The following LRRC4C variants were observed in gnomAD, a reference collection of about 807,000 sequenced individuals.
LRRC4C encodes the protein leucine-rich repeat-containing protein 4C.
Under a neutral mutation model 33.6 loss-of-function variants are expected in LRRC4C, and 5 were observed. The observed-to-expected ratio is 0.15, with a 90% CI of 0.08 to 0.31. LRRC4C has a LOEUF of 0.31. Among genes scored for constraint, LRRC4C ranks in the 10% least tolerant of loss-of-function variants. The pLI is 1.00. For synonymous variants in LRRC4C, 329 were observed against 302.0 expected (o/e 1.09, Z -0.93); for missense variants, 560 against 796.7 (o/e 0.70, Z 3.58).
At chr11:40,472,903 C>G (rs1048359094) in intron 3 of LRRC4C, among the ~76,000 whole-genome samples, 17 of 152,082 alleles carry the variant, frequency 1.1e-4, no homozygotes, top group African/African-American at 3.9e-4. Flanking sequence ...AAGACTAAAG[C>G]AGGAAGAAGT....
At chr11:40,732,978 G>A (rs1300730839) in intron 2 of LRRC4C, among the ~76,000 whole-genome samples, 1 of 149,526 alleles carries the variant, frequency 6.7e-6, no homozygotes, top group Non-Finnish European at 1.5e-5. Flanking sequence ...ATAACTACTT[G>A]GTCTAAGGAT....
chr11:40,154,288 A>AAAAAAAAAAAAAAAAAAAAAAAG, intron 5 of LRRC4C, among the ~76,000 whole-genome samples: 1 of 1,324 alleles, frequency 7.6e-4, no homozygotes, highest in African/African-American at 1.0e-3. Context: ...GCTAAAAAGC[A>AAAAAAAAAAAAAAAAAAAAAAAG]AAAAAAAAAA....
At chr11:40,934,157 A>C in intron 1 of LRRC4C, among the ~76,000 whole-genome samples, 1 of 152,134 alleles carries the variant, frequency 6.6e-6, no homozygotes, top group East Asian at 1.9e-4. Context: ...TATCTTATTC[A>C]CTTGAAATGT....
At chr11:40,824,243 G>A (rs879675386) in intron 2 of LRRC4C, among the ~76,000 whole-genome samples, 4 of 151,818 alleles carry the variant, frequency 2.6e-5, no homozygotes, top group Non-Finnish European at 5.9e-5. Context: ...CATACATTTA[G>A]AAAACATTAT....
chr11:40,469,180 C>A (rs1480385340), intron 3 of LRRC4C, among the ~76,000 whole-genome samples: 2 of 152,112 alleles, frequency 1.3e-5, no homozygotes, highest in African/African-American at 2.4e-5. Flanking sequence ...ACTGAGGTAC[C>A]CGGGTCATCT....
At chr11:41,408,772 G>T (rs1954346041) in intron 1 of LRRC4C, among the ~76,000 whole-genome samples, 3 of 126,508 alleles carry the variant, frequency 2.4e-5, no homozygotes, top group East Asian at 4.0e-4. Flanking sequence ...AAAAAACTGA[G>T]TCTCTCAAAA....
At chr11:40,583,643 C>T (rs1958576764) in intron 3 of LRRC4C, among the ~76,000 whole-genome samples, 1 of 152,118 alleles carries the variant, frequency 6.6e-6, no homozygotes, top group African/African-American at 2.4e-5. Context: ...TTCTGCCTCT[C>T]TGCCCTTGCA....
At chr11:40,567,100 T>C (rs1352841866) in intron 3 of LRRC4C, among the ~76,000 whole-genome samples, 1 of 152,188 alleles carries the variant, frequency 6.6e-6, no homozygotes, top group Non-Finnish European at 1.5e-5. Flanking sequence ...CTATTGAGTG[T>C]GTATTATGTG....
chr11:41,130,337 CA>C (rs1466538748), intron 1 of LRRC4C, among the ~76,000 whole-genome samples: 1 of 151,678 alleles, frequency 6.6e-6, no homozygotes, highest in African/African-American at 2.4e-5. Context: ...CTTATTTTAT[CA>C]AAAAAATCTT....
intron 1 of LRRC4C, among the ~76,000 whole-genome samples, chr11:41,410,120 T>C (rs1239350004): frequency 6.6e-6 from 1 of 152,218 alleles, no homozygotes; most frequent in Non-Finnish European, 1.5e-5. Context: ...ATAGCCCTGC[T>C]TTATTTATTC....
At chr11:41,110,185 G>A (rs1341494768) in intron 1 of LRRC4C, among the ~76,000 whole-genome samples, 1 of 151,980 alleles carries the variant, frequency 6.6e-6, no homozygotes, top group Non-Finnish European at 1.5e-5. Context: ...ACAACTGGGT[G>A]ACTTACGGCT....
intron 2 of LRRC4C, among the ~76,000 whole-genome samples, chr11:40,890,813 G>A (rs1034687529): frequency 2.6e-5 from 4 of 151,950 alleles, no homozygotes; most frequent in African/African-American, 7.3e-5. Context: ...AGTTAAATGT[G>A]TCAGTCTCAA....
At chr11:40,591,658 T>C (rs574381929) in intron 3 of LRRC4C, among the ~76,000 whole-genome samples, 1 of 152,342 alleles carries the variant, frequency 6.6e-6, no homozygotes, top group South Asian at 2.1e-4. Context: ...TGTGTTCATT[T>C]TGTTAACATA....
rs139164589 is a variant in LRRC4C at position 40,714,897 on chromosome 11, A to G, written c.-406-66619T>C. Reference sequence around the variant, plus strand: ...TATATGGAAATAATGATATGCTGCCACTACCTTCCACTATACACAAAATTA... The same window carrying G: ...TATATGGAAATAATGATATGCTGCCGCTACCTTCCACTATACACAAAATTA... On this transcript the variant is annotated intron_variant, in intron 2 of 6. Transcript: ENST00000528697. Among the ~76,000 whole-genome samples the G allele has an allele frequency of 1.4e-3, 206 of 152,290 alleles. 1 individual carries two copies. The highest frequency in any genetic ancestry group is 4.6e-3 in the African/African-American group (193 of 41,556).
chr11:40,160,789 T>C (rs904594291), intron 5 of LRRC4C, among the ~76,000 whole-genome samples: 34 of 152,294 alleles, frequency 2.2e-4, no homozygotes, highest in Middle Eastern at 3.4e-3. Context: ...TGCAAGCTAT[T>C]CTCCTTACTT....
chr11:41,198,129 G>A lies in LRRC4C; in HGVS notation c.-496+261302C>T, dbSNP rs570042983. Among the ~76,000 whole-genome samples, 6 of 151,858 alleles carry A rather than the reference G, an allele frequency of 4.0e-5. No homozygotes were observed. The South Asian group carries it at 1.2e-3, about 32-fold the overall frequency. On this transcript the variant is annotated intron_variant, in intron 1 of 6. Coordinates refer to ENST00000528697, the MANE Select transcript of LRRC4C (RefSeq NM_001258419.2). The stretch of plus-strand genomic sequence containing the variant: ...AGGAGTATCTATGACAAAAAATAAA[G>A]AACAAACAATTTTTGCTATGGATAA...
intron 6 of LRRC4C, among the ~76,000 whole-genome samples, chr11:40,133,064 G>A (rs1856751876): frequency 6.6e-6 from 1 of 152,202 alleles, no homozygotes; most frequent in Non-Finnish European, 1.5e-5. Flanking sequence ...GTCAGAGAAG[G>A]ATGTGATTTC....
chr11:40,876,634 C>T (rs1021571089), intron 2 of LRRC4C, among the ~76,000 whole-genome samples: 3 of 151,956 alleles, frequency 2.0e-5, no homozygotes, highest in South Asian at 2.1e-4. Flanking sequence ...GCTGGGCATG[C>T]TGGCTCACAC....
At chr11:41,369,413 G>A (rs959951290) in intron 1 of LRRC4C, among the ~76,000 whole-genome samples, 4 of 151,882 alleles carry the variant, frequency 2.6e-5, no homozygotes, top group Non-Finnish European at 5.9e-5. Flanking sequence ...CAGGGAAAGA[G>A]GATCAGAAAA....
Sources: gnomAD v4.1 joint callset for allele counts (sites outside exome capture counted in the v4.1 genomes callset) on GRCh38, gnomAD v4.1.1 for gene constraint, MANE v1.5 for transcripts, NCBI Gene and HGNC (gene_info 2026-07-23, HGNC 2026-07-21) for gene names.